SEC14L5: variants seen among roughly 807,000 people sequenced by gnomAD.
The protein encoded by SEC14L5 is SEC14 like lipid binding 5, also known as SEC14-like protein 5.
SEC14L5 carries 96 observed loss-of-function variants against 84.6 expected under a neutral mutation model. The observed-to-expected ratio is 1.13, with a 90% CI of 0.96 to 1.34. The LOEUF is 1.34. SEC14L5 is among the 40% of genes most tolerant of loss of function. The pLI is 0.00. For synonymous variants in SEC14L5, 546 were observed against 383.4 expected (o/e 1.42, Z -4.95); for missense variants, 1,224 against 942.5 (o/e 1.30, Z -3.91).
At chr16:4,981,750 G>C (rs1426409208) in intron 2 of SEC14L5, among the ~76,000 whole-genome samples, 1 of 152,100 alleles carries the variant, frequency 6.6e-6, no homozygotes, top group Non-Finnish European at 1.5e-5. Context: ...AGCCTCTCTG[G>C]GCAAGTACAT....
Position 5,016,524 on chromosome 16 carries a change from A to G in SEC14L5, c.*1554A>G, listed in dbSNP as rs1000961178. ...GGCCACGCCAGTCCCTACCCCATTG[A>G]CTTGCGCCCAGCCCACATTACACAT... On this transcript the variant is annotated 3_prime_UTR_variant, in exon 16 of 16. Coordinates refer to ENST00000251170, the MANE Select transcript of SEC14L5 (RefSeq NM_014692.2). 4 of 152,130 alleles carry G rather than the reference A, an allele frequency of 2.6e-5. No homozygotes were observed. The highest frequency in any genetic ancestry group is 6.5e-5 in the Admixed American group (1 of 15,270). 9.4% of individuals were successfully genotyped at this position (152,130 alleles called of 1,614,324 possible). A position where few individuals can be genotyped will look rare whatever the true frequency, so the allele number is the denominator to read the frequency against.
At position 4,996,879 on chromosome 16, in the gene SEC14L5, C is replaced by T. The variant is rs778316449; in HGVS notation, c.805C>T (p.Arg269Trp). 3.9e-5 allele frequency: 63 copies of T among 1,612,816 alleles called. No homozygotes were observed. Among genetic ancestry groups the T allele is most frequent in the African/African-American group, 5.3e-5 (4 of 74,858 alleles). Residue 269 changes from arginine to tryptophan, a missense_variant, in exon 8 of 16, where the codon CGG becomes TGG. Transcript: ENST00000251170. The stretch of plus-strand genomic sequence containing the variant: ...GATTCCCAAAGATGAGCACATCCTT[C>T]GGTTCCTGCGGGCTCATGACTTCCA... ...GKIPKDEHILRFLRAHDFHLD... is the reference protein window; with the variant it reads ...GKIPKDEHILWFLRAHDFHLD...
At chr16:5,006,073 G>C (rs200395312) in intron 12 of SEC14L5, 25 bp downstream of exon 12, 4 of 1,611,280 alleles carry the variant, frequency 2.5e-6, no homozygotes, top group Admixed American at 1.7e-5. Flanking sequence ...TCCACAGACA[G>C]ACCTGGGCTT....
chr16:5,007,245 G>T, intron 12 of SEC14L5, 107 bp from the exon 13 acceptor site: 1 of 947,024 alleles, frequency 1.1e-6, no homozygotes, highest in Non-Finnish European at 1.6e-6. Flanking sequence ...TTCAGTAAGG[G>T]GTTGCAATTA....
chr16:4,999,758 A>G, intron 8 of SEC14L5, among the ~76,000 whole-genome samples: 1 of 151,424 alleles, frequency 6.6e-6, no homozygotes, highest in Non-Finnish European at 1.5e-5. Context: ...TACTAAAAAT[A>G]CCAAAAATTA....
chr16:5,010,253 A>C (rs1239235920), intron 14 of SEC14L5, among the ~76,000 whole-genome samples: 1 of 148,286 alleles, frequency 6.7e-6, no homozygotes, highest in African/African-American at 2.5e-5. Context: ...AATCCCAGCT[A>C]CTCGGGAGGC....
chr16:4,994,553 ATGC>A (rs1442623645), intron 6 of SEC14L5, among the ~76,000 whole-genome samples: 1 of 152,120 alleles, frequency 6.6e-6, no homozygotes, highest in Non-Finnish European at 1.5e-5. Flanking sequence ...CATGTTGGCC[ATGC>A]TGGTCTCGAA....
At chr16:4,964,341 C>G (rs1038578078) in intron 2 of SEC14L5, among the ~76,000 whole-genome samples, 1 of 152,102 alleles carries the variant, frequency 6.6e-6, no homozygotes, top group East Asian at 1.9e-4. Flanking sequence ...GTAATCCCAG[C>G]ACTTTGGGAG....
chr16:4,973,003 A>G (rs1433760054), intron 2 of SEC14L5, among the ~76,000 whole-genome samples: 6 of 152,244 alleles, frequency 3.9e-5, no homozygotes, highest in African/African-American at 1.4e-4. Context: ...GCATTTTTGC[A>G]AAGCACTGCA....
rs1198067038 is a variant in SEC14L5, at chr16:5,015,196, G to C, written c.*226G>C. 2 of 549,150 alleles carry C rather than the reference G, an allele frequency of 3.6e-6. No homozygotes were observed. The allele number at this position is 549,150 out of a possible 1,614,324, so 34.0% of individuals were successfully genotyped here. On this transcript the variant is annotated 3_prime_UTR_variant, in exon 16 of 16. Coordinates refer to ENST00000251170, the MANE Select transcript of SEC14L5 (RefSeq NM_014692.2). ...GACAGAACCATCTCCTTCCGGCTTC[G>C]TGTAAGGAAGACCAAGCCAAGGCCA...
chr16:4,961,194 A>G (rs1376071784), intron 2 of SEC14L5, among the ~76,000 whole-genome samples: 1 of 152,050 alleles, frequency 6.6e-6, no homozygotes, highest in Non-Finnish European at 1.5e-5. Flanking sequence ...AATCTCTTGA[A>G]CCCAGGAGGC....
At chr16:5,003,624 G>GGGGGGGGGGCCCCC in intron 11 of SEC14L5, 51 bp downstream of exon 11, 1 of 305,312 alleles carries the variant, frequency 3.3e-6, no homozygotes. Flanking sequence ...GGTGGGATGG[G>GGGGGGGGGGCCCCC]AGGGGTTCCG....
At position 5,017,705 on chromosome 16, in the gene SEC14L5, A is replaced by T. The variant is rs1955891187; in HGVS notation, c.*2735A>T. ...TCCCCCAATGGACAAGAGAAGCTGG[A>T]CCACAGAACCAGCAGGTATCCATGG... On this transcript the variant is annotated 3_prime_UTR_variant, in exon 16 of 16. Transcript: ENST00000251170. 1 of 152,130 alleles carries T rather than the reference A, an allele frequency of 6.6e-6. No homozygotes were observed. The highest frequency in any genetic ancestry group is 2.1e-4 in the South Asian group (1 of 4,814). The allele number at this position is 152,130 out of a possible 1,614,324, so 9.4% of individuals were successfully genotyped here. A position where few individuals can be genotyped will look rare whatever the true frequency, so the allele number is the denominator to read the frequency against.
intron 5 of SEC14L5, 33 bp from the exon 6 acceptor site, chr16:4,991,805 T>G (rs1955555870): frequency 1.3e-6 from 2 of 1,510,876 alleles, no homozygotes; most frequent in Admixed American, 1.9e-5. Flanking sequence ...TCCTGCCCCG[T>G]GCTCATGTGT....
In SEC14L5 at chr16:5,003,387, C is replaced by A; in HGVS notation, c.1131-15C>A. The A allele has an allele frequency of 6.2e-7, 1 of 1,608,102 alleles. No homozygotes were observed. The highest frequency in any genetic ancestry group is 8.5e-7 in the Non-Finnish European group (1 of 1,177,108). Reference sequence around the variant, plus strand: ...GCAGCAGAGCCAGGTGGAGCTGGGGCTATTTCTGCCACAGCTCCTGGACCT... The same window carrying A: ...GCAGCAGAGCCAGGTGGAGCTGGGGATATTTCTGCCACAGCTCCTGGACCT... On this transcript the variant is annotated splice_polypyrimidine_tract_variant and intron_variant, in intron 10 of 15. Coordinates refer to ENST00000251170, the MANE Select transcript of SEC14L5 (RefSeq NM_014692.2).
At chr16:4,987,513 TCTGCC>T in intron 2 of SEC14L5, 39 bp from the exon 3 acceptor site, 2 of 1,294,024 alleles carry the variant, frequency 1.5e-6, no homozygotes, top group Non-Finnish European at 2.1e-6. Context: ...GGGGGGTCCC[TCTGCC>T]CCCCCCACCA....
intron 4 of SEC14L5, among the ~76,000 whole-genome samples, chr16:4,990,125 T>C (rs900269827): frequency 1.3e-5 from 2 of 151,512 alleles, no homozygotes; most frequent in African/African-American, 4.8e-5. Flanking sequence ...AATTTATTTA[T>C]AGATTATATA....
intron 2 of SEC14L5, among the ~76,000 whole-genome samples, chr16:4,964,021 G>A (rs1017547149): frequency 6.6e-6 from 1 of 152,140 alleles, no homozygotes; most frequent in Non-Finnish European, 1.5e-5. Flanking sequence ...CGTATCATTG[G>A]GTTCAAAACA....
intron 7 of SEC14L5, 105 bp downstream of exon 7, chr16:4,996,565 C>A: frequency 1.5e-6 from 1 of 650,738 alleles, no homozygotes; most frequent in Non-Finnish European, 2.8e-6. Flanking sequence ...GACACATTAT[C>A]TCTTGCTTAT....
Sources: gnomAD v4.1 joint callset for allele counts (sites outside exome capture counted in the v4.1 genomes callset) on GRCh38, gnomAD v4.1.1 for gene constraint, MANE v1.5 for transcripts, NCBI Gene and HGNC (gene_info 2026-07-23, HGNC 2026-07-21) for gene names.